Variants in ROBO1 observed in about 807,000 individuals in gnomAD.
ROBO1 encodes roundabout guidance receptor 1.
Under a neutral mutation model 195.9 loss-of-function variants are expected in ROBO1, and 149 were observed. The ratio of observed to expected loss-of-function variants is 0.76; its 90% CI spans 0.67 to 0.87. The LOEUF is 0.87. Among genes scored for constraint, ROBO1 ranks in the 40% least tolerant of loss-of-function variants. The pLI is 0.00. For missense variants in ROBO1, 1,933 were observed against 2,068.3 expected (o/e 0.93, Z 1.27); for synonymous variants, 816 against 733.2 (o/e 1.11, Z -1.82).
chr3:79,626,348 T>C (rs1945179114), intron 1 of ROBO1, among the ~76,000 whole-genome samples: 1 of 152,000 alleles, frequency 6.6e-6, no homozygotes, highest in Non-Finnish European at 1.5e-5. Context: ...GAGGCAGGAA[T>C]ATCACTTGAA....
At chr3:79,447,272 T>G (rs1387790969) in intron 2 of ROBO1, among the ~76,000 whole-genome samples, 1 of 152,058 alleles carries the variant, frequency 6.6e-6, no homozygotes, top group Non-Finnish European at 1.5e-5. Flanking sequence ...AAACTGAGAA[T>G]GTATGGTCTG....
chr3:79,611,315 A>G (rs1202611196), intron 1 of ROBO1, among the ~76,000 whole-genome samples: 1 of 152,122 alleles, frequency 6.6e-6, no homozygotes, highest in Non-Finnish European at 1.5e-5. Flanking sequence ...AAAATATAAA[A>G]TAACAATTAA....
intron 4 of ROBO1, among the ~76,000 whole-genome samples, chr3:78,860,173 AGATAGATAGAT>A (rs2034722100): frequency 6.7e-6 from 1 of 149,676 alleles, no homozygotes; most frequent in African/African-American, 2.4e-5. Flanking sequence ...ATAGATAGAT[AGATAGATAGAT>A]GATAGATTGC....
chr3:79,666,722 C>A (rs1335099096), intron 1 of ROBO1, among the ~76,000 whole-genome samples: 2 of 151,898 alleles, frequency 1.3e-5, no homozygotes, highest in Non-Finnish European at 2.9e-5. Flanking sequence ...GTCCATTAAA[C>A]CTCTTTTTCT....
At chr3:78,613,519 T>C (rs1030899328) in intron 28 of ROBO1, among the ~76,000 whole-genome samples, 2 of 152,200 alleles carry the variant, frequency 1.3e-5, no homozygotes, top group African/African-American at 4.8e-5. Context: ...AAAAGAGTCC[T>C]GGGCAGAAGC....
intron 2 of ROBO1, among the ~76,000 whole-genome samples, chr3:79,285,148 CAT>C (rs2031807734): frequency 6.6e-6 from 1 of 152,052 alleles, no homozygotes; most frequent in African/African-American, 2.4e-5. Context: ...TCTTACGAAG[CAT>C]TTATTCAAGA....
At chr3:78,846,675 T>C (rs892253294) in intron 4 of ROBO1, among the ~76,000 whole-genome samples, 2 of 152,174 alleles carry the variant, frequency 1.3e-5, no homozygotes, top group Non-Finnish European at 2.9e-5. Flanking sequence ...TTCTTTTTTA[T>C]AATTGGTCTA....
intron 4 of ROBO1, among the ~76,000 whole-genome samples, chr3:78,925,296 G>C (rs1311766580): frequency 6.6e-6 from 1 of 152,076 alleles, no homozygotes; most frequent in Non-Finnish European, 1.5e-5. Flanking sequence ...AAATTTTATA[G>C]TCAAATTTTA....
intron 23 of ROBO1, among the ~76,000 whole-genome samples, chr3:78,635,031 T>C (rs1705409958): frequency 6.6e-6 from 1 of 152,110 alleles, no homozygotes; most frequent in Non-Finnish European, 1.5e-5. Flanking sequence ...AATCCTGGTT[T>C]TCCTAGAGGT....
chr3:79,280,690 C>A (rs954126145), intron 2 of ROBO1, among the ~76,000 whole-genome samples: 5 of 152,166 alleles, frequency 3.3e-5, no homozygotes, highest in Non-Finnish European at 4.4e-5. Flanking sequence ...TTTCCACTGA[C>A]ATCGGGCAGG....
chr3:79,355,280 A>G (rs1408587474), intron 2 of ROBO1, among the ~76,000 whole-genome samples: 1 of 152,100 alleles, frequency 6.6e-6, no homozygotes, highest in Non-Finnish European at 1.5e-5. Flanking sequence ...TGTTATTTTT[A>G]TTTATAATGC....
chr3:78,734,416 G>C (rs2082348190), intron 5 of ROBO1, among the ~76,000 whole-genome samples: 1 of 148,582 alleles, frequency 6.7e-6, no homozygotes, highest in South Asian at 2.1e-4. Context: ...AAAAAAAATA[G>C]CTGGATATGG....
At chr3:78,982,748 C>T (rs1434346819) in intron 3 of ROBO1, among the ~76,000 whole-genome samples, 1 of 151,976 alleles carries the variant, frequency 6.6e-6, no homozygotes, top group African/African-American at 2.4e-5. Flanking sequence ...CCTGCCTCAG[C>T]CTCCTGAACA....
At chr3:79,384,518 A>T (rs2036670874) in intron 2 of ROBO1, among the ~76,000 whole-genome samples, 1 of 152,028 alleles carries the variant, frequency 6.6e-6, no homozygotes, top group African/African-American at 2.4e-5. Flanking sequence ...GGAAGAAAGC[A>T]CATAAACCCA....
chr3:79,368,873 T>A (rs915506573), intron 2 of ROBO1, among the ~76,000 whole-genome samples: 5 of 152,184 alleles, frequency 3.3e-5, no homozygotes, highest in African/African-American at 9.7e-5. Context: ...ATCCTGATTG[T>A]TTTTACATGA....
At chr3:79,368,587 C>T (rs895171559) in intron 2 of ROBO1, among the ~76,000 whole-genome samples, 2 of 152,016 alleles carry the variant, frequency 1.3e-5, no homozygotes, top group African/African-American at 4.8e-5. Flanking sequence ...GCTATTATGC[C>T]TGAGAACCAG....
intron 2 of ROBO1, among the ~76,000 whole-genome samples, chr3:79,558,541 TTTTTAC>T (rs1300606544): frequency 6.6e-6 from 1 of 152,148 alleles, no homozygotes; most frequent in Non-Finnish European, 1.5e-5. Context: ...ATACACAGAT[TTTTTAC>T]TATGTAGGAG....
At chr3:78,711,354 C>CCTTTCTTTCTTT (rs2081702459) in intron 8 of ROBO1, among the ~76,000 whole-genome samples, 1 of 65,158 alleles carries the variant, frequency 1.5e-5, no homozygotes, top group African/African-American at 8.0e-5. Flanking sequence ...CTTCCTCCTT[C>CCTTTCTTTCTTT]CTTCCTTCCT....
chr3:79,672,607 T>C (rs1236166272), intron 1 of ROBO1, among the ~76,000 whole-genome samples: 4 of 151,936 alleles, frequency 2.6e-5, no homozygotes, highest in Non-Finnish European at 5.9e-5. Context: ...CATTCTACTA[T>C]CATACTTTAA....
Sources: gnomAD v4.1 joint callset for allele counts (sites outside exome capture counted in the v4.1 genomes callset) on GRCh38, gnomAD v4.1.1 for gene constraint, MANE v1.5 for transcripts, NCBI Gene and HGNC (gene_info 2026-07-23, HGNC 2026-07-21) for gene names.